SP4: variants seen among roughly 807,000 people sequenced by gnomAD.
SP4 encodes transcription factor Sp4.
Under a neutral mutation model 72.8 loss-of-function variants are expected in SP4, and 19 were observed. The ratio of observed to expected loss-of-function variants is 0.26; its 90% confidence interval spans 0.18 to 0.38. SP4 has a LOEUF of 0.38. Among genes scored for constraint, SP4 ranks in the 10% least tolerant of loss-of-function variants. The pLI is 1.00. For missense variants in SP4, 1,008 were observed against 926.3 expected (o/e 1.09, Z -1.14); for synonymous variants, 395 against 333.1 (o/e 1.19, Z -2.02).
intron 5 of SP4, among the ~76,000 whole-genome samples, chr7:21,486,735 T>C (rs1418137755): frequency 6.6e-6 from 1 of 152,218 alleles, no homozygotes; most frequent in Non-Finnish European, 1.5e-5. Flanking sequence ...ATTTCTTCAC[T>C]GTAAAGTTAC....
chr7:21,472,404 C>T (rs2128407552), intron 3 of SP4, among the ~76,000 whole-genome samples: 1 of 152,234 alleles, frequency 6.6e-6, no homozygotes, highest in South Asian at 2.1e-4. Context: ...CTCACCTCAG[C>T]ACCTCATTCT....
At chr7:21,504,124 T>G (rs1398145946) in intron 5 of SP4, among the ~76,000 whole-genome samples, 3 of 152,172 alleles carry the variant, frequency 2.0e-5, no homozygotes, top group African/African-American at 7.2e-5. Context: ...GGAGGCTTGC[T>G]TAGCAGCTTC....
chr7:21,472,160 A>T (rs1784364009), intron 3 of SP4, among the ~76,000 whole-genome samples: 1 of 152,222 alleles, frequency 6.6e-6, no homozygotes, highest in South Asian at 2.1e-4. Context: ...TAATCAGCTT[A>T]CACATAGCAG....
At chr7:21,490,031 A>G (rs975420729) in intron 5 of SP4, among the ~76,000 whole-genome samples, 4 of 152,250 alleles carry the variant, frequency 2.6e-5, no homozygotes, top group African/African-American at 9.6e-5. Flanking sequence ...GTTGGCCAGA[A>G]TGGACCAAGT....
rs1455605190 is a variant in SP4 at position 21,512,438 on chromosome 7, A to G, written c.*1169A>G. ...AATTTTCCCTAAAAATTAGCCTAAT[A>G]TATAATAGATATATTATGAAGCAAA... On this transcript the variant is annotated 3_prime_UTR_variant, in exon 6 of 6. Coordinates refer to ENST00000222584, the MANE Select transcript of SP4 (RefSeq NM_003112.5). 1 of 152,258 alleles carries G rather than the reference A, an allele frequency of 6.6e-6. No individual in the cohort carries two copies. The highest frequency in any genetic ancestry group is 2.4e-5 in the African/African-American group (1 of 41,462). 9.4% of individuals were successfully genotyped at this position (152,258 alleles called of 1,614,324 possible). A position where few individuals can be genotyped will look rare whatever the true frequency, so the allele number is the denominator to read the frequency against.
At chr7:21,507,470 G>T (rs1270471499) in intron 5 of SP4, among the ~76,000 whole-genome samples, 2 of 152,194 alleles carry the variant, frequency 1.3e-5, no homozygotes, top group Admixed American at 1.3e-4. Context: ...TGAGATGTAT[G>T]GAGGGGCATG....
chr7:21,495,404 T>C (rs1212150742), intron 5 of SP4, among the ~76,000 whole-genome samples: 1 of 151,856 alleles, frequency 6.6e-6, no homozygotes, highest in African/African-American at 2.4e-5. Context: ...GTAAACAAAT[T>C]TAACAGTTTT....
intron 3 of SP4, among the ~76,000 whole-genome samples, chr7:21,465,668 GA>G (rs1286738372): frequency 8.5e-5 from 13 of 152,132 alleles, no homozygotes; most frequent in Non-Finnish European, 1.2e-4. Context: ...CCTTCTTTAA[GA>G]AGTTGACAGC....
At chr7:21,508,635 G>C (rs1394438331) in intron 5 of SP4, among the ~76,000 whole-genome samples, 1 of 151,954 alleles carries the variant, frequency 6.6e-6, no homozygotes, top group Non-Finnish European at 1.5e-5. Flanking sequence ...CCTAAATACA[G>C]TTTGTTTGTT....
intron 3 of SP4, among the ~76,000 whole-genome samples, chr7:21,450,426 G>A (rs1014088875): frequency 1.3e-5 from 2 of 152,064 alleles, no homozygotes; most frequent in African/African-American, 2.4e-5. Context: ...GCTTTGGGGT[G>A]CAATAGGTTT....
chr7:21,449,951 C>T (rs1344098836), intron 3 of SP4, among the ~76,000 whole-genome samples: 1 of 151,978 alleles, frequency 6.6e-6, no homozygotes, highest in Admixed American at 6.6e-5. Context: ...GTAATTGTTC[C>T]AATTGATACA....
chr7:21,485,803 T>C (rs1472975249), intron 5 of SP4, among the ~76,000 whole-genome samples: 1 of 152,038 alleles, frequency 6.6e-6, no homozygotes, highest in East Asian at 1.9e-4. Context: ...TCCAGTCACA[T>C]TTTCCTTTTT....
In SP4 at chr7:21,477,238, A is replaced by G; in HGVS notation, c.1838A>G (p.Glu613Gly). Residue 613 changes from glutamate (E) to glycine (G), a missense_variant, in exon 4 of 6, where the codon GAG becomes GGG. Glu to Gly is a moderately conservative substitution (Grantham distance 98). Coordinates refer to ENST00000222584, the MANE Select transcript of SP4 (RefSeq NM_003112.5). ...LQQGQQTSDQ[E>G]VQPGKRLRRV... The stretch of plus-strand genomic sequence containing the variant: ...CAAGGCCAGCAGACTTCTGATCAAG[A>G]GGTACAACCTGGCAAGAGGCTTCGA... 6.2e-7 allele frequency: 1 copy of G among 1,614,180 alleles called. No individual in the cohort carries two copies. The highest frequency in any genetic ancestry group is 8.5e-7 in the Non-Finnish European group (1 of 1,180,018).
rs77041788 is a variant in SP4, at chr7:21,511,583, C to T, written c.*314C>T. On this transcript the variant is annotated 3_prime_UTR_variant, in exon 6 of 6. Coordinates refer to ENST00000222584, the MANE Select transcript of SP4 (RefSeq NM_003112.5). ...CATGTGTTAACATGTTTAAAAAGAC[C>T]TTAGTAGTTTGCAGGCTGGACCTTA... 2.2e-5 allele frequency: 5 copies of T among 231,874 alleles called. No homozygotes were observed. In the South Asian group the frequency reaches 4.9e-4, roughly 23 times the overall value. 14.4% of individuals were successfully genotyped at this position (231,874 alleles called of 1,614,324 possible). A position where few individuals can be genotyped will look rare whatever the true frequency, so the allele number is the denominator to read the frequency against.
chr7:21,501,835 C>T (rs752006653), intron 5 of SP4, among the ~76,000 whole-genome samples: 26 of 152,160 alleles, frequency 1.7e-4, no homozygotes, highest in Admixed American at 1.1e-3. Context: ...TCATGTCTAG[C>T]GCAAGCCTGT....
Position 21,435,603 on chromosome 7 carries a change from A to G in SP4, c.1678+4760A>G, listed in dbSNP as rs568498571. On this transcript the variant is annotated intron_variant, in intron 3 of 5. Transcript: ENST00000222584. ...TGGGCATCTGTATATATACATACTC[A>G]TGTACTCCTGTGTTTGGCTAGTCTT... Among the ~76,000 whole-genome samples, 10 of 152,228 alleles carry G rather than the reference A, an allele frequency of 6.6e-5. No homozygotes were observed. In the East Asian group the frequency reaches 1.5e-3, roughly 24 times the overall value.
At chr7:21,467,807 C>G (rs1784214811) in intron 3 of SP4, among the ~76,000 whole-genome samples, 1 of 151,870 alleles carries the variant, frequency 6.6e-6, no homozygotes, top group Non-Finnish European at 1.5e-5. Flanking sequence ...CCCCCCATGG[C>G]AAGTTTTGTA....
intron 3 of SP4, among the ~76,000 whole-genome samples, chr7:21,459,443 C>T (rs2128401393): frequency 6.6e-6 from 1 of 152,268 alleles, no homozygotes; most frequent in East Asian, 1.9e-4. Flanking sequence ...CCCACACAAG[C>T]TGCCAGCTTG....
intron 3 of SP4, among the ~76,000 whole-genome samples, chr7:21,468,110 G>A (rs367589930): frequency 2.6e-5 from 4 of 152,012 alleles, no homozygotes; most frequent in African/African-American, 7.2e-5. Context: ...AAGAAATAAG[G>A]CACAGTTGGA....
Sources: allele counts gnomAD v4.1 joint callset (sites outside exome capture counted in the v4.1 genomes callset), GRCh38; gene constraint gnomAD v4.1.1; transcripts MANE v1.5; gene names NCBI Gene and HGNC (gene_info 2026-07-23, HGNC 2026-07-21).